Variants in TOM1L1 observed in about 807,000 individuals in gnomAD.
The protein encoded by TOM1L1 is target of myb1 like 1 membrane trafficking protein.
TOM1L1 carries 64 observed loss-of-function variants against 63.4 expected under a neutral mutation model. That is an observed-to-expected ratio of 1.01 (90% confidence interval 0.83 to 1.24). The LOEUF (loss-of-function observed/expected upper bound fraction) is 1.24. TOM1L1 is among the 50% of genes most tolerant of loss of function. TOM1L1 has a pLI of 0.00. For synonymous variants in TOM1L1, 166 were observed against 194.4 expected (o/e 0.85, Z 1.22); for missense variants, 536 against 567.0 (o/e 0.95, Z 0.55).
At chr17:54,913,639 C>T (rs1226291387) in intron 4 of TOM1L1, 109 bp from the exon 5 acceptor site, 5 of 1,218,194 alleles carry the variant, frequency 4.1e-6, no homozygotes, top group African/African-American at 3.2e-5. Flanking sequence ...GCACTCCAGC[C>T]CGGGCAATAG....
chr17:54,958,730 CAAAAAAAA>C (rs61603848), intron 14 of TOM1L1, among the ~76,000 whole-genome samples: 1 of 57,488 alleles, frequency 1.7e-5, no homozygotes, highest in Non-Finnish European at 4.7e-5. Flanking sequence ...AACTCCATCT[CAAAAAAAA>C]AAAAAAAAAA....
chr17:54,961,610 T>G lies in TOM1L1; in HGVS notation c.*377T>G, dbSNP rs1263682679. On this transcript the variant is annotated 3_prime_UTR_variant, in exon 16 of 16. Coordinates refer to ENST00000575882, the MANE Select transcript of TOM1L1 (RefSeq NM_005486.3). ...TTACTATGAAATAATTCTGAATAGA[T>G]GAAAGCATAAAATGTGAGAAACTGA... 1 of 1,154,542 alleles carries G rather than the reference T, an allele frequency of 8.7e-7. No homozygotes were observed. The highest frequency in any genetic ancestry group is 1.6e-5 in the African/African-American group (1 of 62,074). 71.5% of individuals were successfully genotyped at this position (1,154,542 alleles called of 1,614,324 possible).
intron 11 of TOM1L1, chr17:54,942,263 A>ATTTTTTTT (rs5821080): frequency 7.1e-6 from 1 of 140,452 alleles, no homozygotes. Context: ...CACCCATCTA[A>ATTTTTTTT]TTTTTTTTTT....
intron 11 of TOM1L1, among the ~76,000 whole-genome samples, chr17:54,943,822 C>G (rs1434490373): frequency 6.6e-6 from 1 of 151,606 alleles, no homozygotes; most frequent in African/African-American, 2.4e-5. Context: ...ACTACAAATA[C>G]AAAAAATTAG....
At chr17:54,928,375 A>AC (rs895417137) in intron 7 of TOM1L1, among the ~76,000 whole-genome samples, 32 of 151,630 alleles carry the variant, frequency 2.1e-4, no homozygotes, top group African/African-American at 7.3e-4. Flanking sequence ...ACCAAAAAAA[A>AC]ACAAAACAAC....
chr17:54,960,675 C>T (rs1439763753), intron 15 of TOM1L1, 48 bp downstream of exon 15: 1 of 1,371,836 alleles, frequency 7.3e-7, no homozygotes, highest in Middle Eastern at 2.4e-4. Context: ...CATATAATTT[C>T]AGTATAATTA....
chr17:54,910,391 G>A (rs1040455932), intron 3 of TOM1L1, among the ~76,000 whole-genome samples: 1 of 152,214 alleles, frequency 6.6e-6, no homozygotes, highest in Non-Finnish European at 1.5e-5. Flanking sequence ...GAGAGGCAGA[G>A]GTTGCAGTGA....
chr17:54,904,034 C>CA (rs965741518), intron 2 of TOM1L1, among the ~76,000 whole-genome samples: 5 of 152,072 alleles, frequency 3.3e-5, no homozygotes, highest in Non-Finnish European at 7.4e-5. Flanking sequence ...TTAATAGTTT[C>CA]AAATTTTGTC....
chr17:54,934,444 T>C (rs770475381), intron 8 of TOM1L1, among the ~76,000 whole-genome samples: 3 of 152,202 alleles, frequency 2.0e-5, no homozygotes, highest in Non-Finnish European at 4.4e-5. Flanking sequence ...ACTGGTTGTG[T>C]TTACTAGGAT....
At chr17:54,946,206 T>C (rs900554965) in intron 11 of TOM1L1, among the ~76,000 whole-genome samples, 2 of 152,164 alleles carry the variant, frequency 1.3e-5, no homozygotes, top group Non-Finnish European at 2.9e-5. Context: ...TTTTTGACAT[T>C]GTGACTGAGA....
At chr17:54,924,283 CT>C (rs35210443) in intron 7 of TOM1L1, among the ~76,000 whole-genome samples, 158 of 137,424 alleles carry the variant, frequency 1.1e-3, no homozygotes, top group Non-Finnish European at 1.4e-3. Context: ...TTTCTTTTTT[CT>C]TTTTTTTTTT....
At chr17:54,943,299 T>A (rs2049060356) in intron 11 of TOM1L1, among the ~76,000 whole-genome samples, 1 of 152,144 alleles carries the variant, frequency 6.6e-6, no homozygotes, top group South Asian at 2.1e-4. Flanking sequence ...TAATTGTATG[T>A]AGAGTTTAGG....
intron 7 of TOM1L1, among the ~76,000 whole-genome samples, chr17:54,927,458 T>A (rs2048786841): frequency 6.6e-6 from 1 of 152,238 alleles, no homozygotes; most frequent in Non-Finnish European, 1.5e-5. Flanking sequence ...GAGTGCTCTA[T>A]GGAGGAGTAA....
chr17:54,948,729 C>T (rs1171471101), intron 12 of TOM1L1, among the ~76,000 whole-genome samples: 2 of 152,202 alleles, frequency 1.3e-5, no homozygotes, highest in African/African-American at 4.8e-5. Context: ...TTAATAGTGC[C>T]TGGCAGCTGG....
intron 8 of TOM1L1, among the ~76,000 whole-genome samples, chr17:54,931,959 TGTTTGTTTG>T (rs2048868008): frequency 8.9e-5 from 5 of 56,066 alleles, no homozygotes; most frequent in Non-Finnish European, 1.4e-4. Context: ...GTTTTTTTTT[TGTTTGTTTG>T]TTTGTTTGTT....
intron 10 of TOM1L1, 61 bp downstream of exon 10, chr17:54,937,287 T>A: frequency 7.8e-7 from 1 of 1,285,084 alleles, no homozygotes; most frequent in Non-Finnish European, 1.1e-6. Context: ...ACAGTTCTCC[T>A]TAATTACGTG....
chr17:54,901,140 G>A (rs537277151), intron 1 of TOM1L1: 15 of 642,708 alleles, frequency 2.3e-5, no homozygotes, highest in East Asian at 8.3e-5. Context: ...CCTCAAAAAT[G>A]TACCTTCCTT....
intron 14 of TOM1L1, chr17:54,954,518 A>G (rs1281921220): frequency 6.7e-6 from 1 of 149,528 alleles, no homozygotes; most frequent in Non-Finnish European, 1.5e-5. Flanking sequence ...CTGGCTCTGC[A>G]GAGTTTGGAG....
Position 54,938,974 on chromosome 17 carries a change from C to T in TOM1L1, c.1084C>T (p.His362Tyr). The T allele has an allele frequency of 2.5e-6, 4 of 1,613,162 alleles. No individual in the cohort carries two copies. Among genetic ancestry groups the T allele is most frequent in the Non-Finnish European group, 3.4e-6 (4 of 1,179,492 alleles). Reference protein sequence around the residue: ...DVTNNLKPSLHPQMNLLALEN... With the variant: ...DVTNNLKPSLYPQMNLLALEN... ...AACAAACAACTTAAAACCCAGTCTT[C>T]ATCCACAGATGAACTTGCTAGCCTT... The change falls in exon 11 of 16, where the codon CAT becomes TAT. Residue 362 changes from histidine (H) to tyrosine (Y), a missense_variant. Transcript: ENST00000575882.
Sources: allele counts gnomAD v4.1 joint callset (sites outside exome capture counted in the v4.1 genomes callset), GRCh38; gene constraint gnomAD v4.1.1; transcripts MANE v1.5; gene names NCBI Gene and HGNC (gene_info 2026-07-23, HGNC 2026-07-21).